Variants in SLC16A7 observed in about 807,000 individuals in gnomAD.
SLC16A7 encodes the protein monocarboxylate transporter 2.
In SLC16A7, 33 loss-of-function variants were observed where a neutral mutation model predicts 34.9. The observed-to-expected ratio is 0.94, with a 90% CI of 0.72 to 1.26. The LOEUF is 1.26. SLC16A7 is among the 50% of genes most tolerant of loss of function. SLC16A7 has a pLI of 0.00. For missense variants in SLC16A7, 573 were observed against 578.1 expected, an observed-to-expected ratio of 0.99 and a Z score of 0.09; for synonymous variants, 201 against 206.6, an observed-to-expected ratio of 0.97 and a Z score of 0.23.
At chr12:59,631,674 C>T (rs762485664) in intron 1 of SLC16A7, among the ~76,000 whole-genome samples, 43 of 152,030 alleles carry the variant, frequency 2.8e-4, no homozygotes, top group South Asian at 8.3e-4. Flanking sequence ...GGATATTTTT[C>T]CTGATGTTCT....
intron 3 of SLC16A7, among the ~76,000 whole-genome samples, chr12:59,756,910 A>G (rs12817321): frequency 3.7e-3 from 455 of 123,418 alleles, no homozygotes; most frequent in African/African-American, 0.015. Context: ...TATACACCAT[A>G]GAATACTATG....
At position 59,785,679 on chromosome 12, in the gene SLC16A7, CTTG is replaced by C. The variant is rs1379422421; in HGVS notation, c.*6003_*6005del. ...ACATGTTTTTCAGTCTCCATATATACTTGTTAATAAGGTGAGCAATATTCAGGA... is the reference window on the plus strand; with the variant it reads ...ACATGTTTTTCAGTCTCCATATATACTTAATAAGGTGAGCAATATTCAGGA... On this transcript the variant is annotated 3_prime_UTR_variant, in exon 6 of 6. Coordinates refer to ENST00000547379, the MANE Select transcript of SLC16A7 (RefSeq NM_001270623.2). 11 of 152,124 alleles carry C rather than the reference CTTG, an allele frequency of 7.2e-5. No homozygotes were observed. Among genetic ancestry groups the C allele is most frequent in the African/African-American group, 2.7e-4 (11 of 41,500 alleles). 9.4% of individuals were successfully genotyped at this position (152,124 alleles called of 1,614,324 possible).
intron 2 of SLC16A7, among the ~76,000 whole-genome samples, chr12:59,678,108 G>A (rs1041477979): frequency 6.6e-6 from 1 of 152,204 alleles, no homozygotes; most frequent in African/African-American, 2.4e-5. Context: ...CAGGCATGCT[G>A]GCTGAGGTCA....
intron 1 of SLC16A7, among the ~76,000 whole-genome samples, chr12:59,616,066 A>C (rs1214160622): frequency 6.6e-6 from 1 of 152,200 alleles, no homozygotes; most frequent in Non-Finnish European, 1.5e-5. Flanking sequence ...GACAAAGAAA[A>C]GCATAAAGGA....
At chr12:59,628,832 C>G (rs375406676) in intron 1 of SLC16A7, among the ~76,000 whole-genome samples, 1 of 151,836 alleles carries the variant, frequency 6.6e-6, no homozygotes, top group African/African-American at 2.4e-5. Flanking sequence ...GAAATAATCC[C>G]TTAAGACTAC....
rs1451584705 is a variant in SLC16A7 at position 59,643,342 on chromosome 12, TAA to T, written c.-129-11809_-129-11808del. Among the ~76,000 whole-genome samples, 5 of 152,148 alleles carry T rather than the reference TAA, an allele frequency of 3.3e-5. No homozygotes were observed. In the East Asian group the frequency reaches 9.6e-4, roughly 29 times the overall value. On this transcript the variant is annotated intron_variant, in intron 1 of 5. Coordinates refer to ENST00000547379, the MANE Select transcript of SLC16A7 (RefSeq NM_001270623.2). Reference sequence around the variant, plus strand: ...ACCCCAAGAGTCTCTAATATACATATAAGTTTTCGGCACAAGTTGAAAGTGGT... The same window carrying T: ...ACCCCAAGAGTCTCTAATATACATATGTTTTCGGCACAAGTTGAAAGTGGT...
At chr12:59,620,367 T>A (rs1044738520) in intron 1 of SLC16A7, among the ~76,000 whole-genome samples, 1 of 151,718 alleles carries the variant, frequency 6.6e-6, no homozygotes, top group Non-Finnish European at 1.5e-5. Context: ...GAAAAAAAAA[T>A]TTACAGTGAG....
chr12:59,746,179 G>A (rs1878869985), intron 3 of SLC16A7, among the ~76,000 whole-genome samples: 1 of 152,160 alleles, frequency 6.6e-6, no homozygotes, highest in Admixed American at 6.5e-5. Context: ...AACTGTCTTC[G>A]AAGTATATTT....
At chr12:59,659,355 A>G (rs889369124) in intron 2 of SLC16A7, among the ~76,000 whole-genome samples, 1 of 152,020 alleles carries the variant, frequency 6.6e-6, no homozygotes, top group Non-Finnish European at 1.5e-5. Flanking sequence ...TGTGCCCATA[A>G]CCGAAGTGGT....
chr12:59,617,600 A>G (rs1879511297), intron 1 of SLC16A7, among the ~76,000 whole-genome samples: 1 of 152,046 alleles, frequency 6.6e-6, no homozygotes, highest in African/African-American at 2.4e-5. Context: ...TTTACAATGC[A>G]TGTCGAAGTA....
rs1883115311 is a variant in SLC16A7, at chr12:59,779,867, A to G, written c.*188A>G. 1.9e-6 allele frequency: 1 copy of G among 518,800 alleles called. No homozygotes were observed. The highest frequency in any genetic ancestry group is 1.9e-5 in the African/African-American group (1 of 52,112). The allele number at this position is 518,800 out of a possible 1,614,324, so 32.1% of individuals were successfully genotyped here. On this transcript the variant is annotated 3_prime_UTR_variant, in exon 6 of 6. Transcript: ENST00000547379. ...AAAACTTACTTATTTGGGTAGTTAA[A>G]TTTTGAGATTATGCATAGAAAGAAT... is the stretch of plus-strand genomic sequence containing the variant.
intron 2 of SLC16A7, among the ~76,000 whole-genome samples, chr12:59,657,696 A>G (rs1277034829): frequency 6.6e-6 from 1 of 151,978 alleles, no homozygotes; most frequent in African/African-American, 2.4e-5. Context: ...CACAGTGGCT[A>G]TATCCCAAGG....
At chr12:59,632,476 GA>G (rs992314858) in intron 1 of SLC16A7, among the ~76,000 whole-genome samples, 1 of 151,918 alleles carries the variant, frequency 6.6e-6, no homozygotes, top group Non-Finnish European at 1.5e-5. Flanking sequence ...TTGGGTAAGG[GA>G]GGCAGCTGGG....
chr12:59,660,536 C>T (rs1177238550), intron 2 of SLC16A7, among the ~76,000 whole-genome samples: 3 of 142,112 alleles, frequency 2.1e-5, no homozygotes, highest in South Asian at 4.5e-4. Context: ...CAGACCTTGT[C>T]TCTACAAAAA....
intron 1 of SLC16A7, among the ~76,000 whole-genome samples, chr12:59,638,664 A>G (rs1411207094): frequency 1.3e-5 from 2 of 152,272 alleles, no homozygotes; most frequent in South Asian, 2.1e-4. Flanking sequence ...GTAAGTTTCT[A>G]TCAGAGGAGA....
At chr12:59,776,402 A>G (rs1334760224) in intron 5 of SLC16A7, among the ~76,000 whole-genome samples, 1 of 152,182 alleles carries the variant, frequency 6.6e-6, no homozygotes, top group Non-Finnish European at 1.5e-5. Flanking sequence ...AACTTTGTTT[A>G]GTCTTAGACT....
chr12:59,606,798 A>G (rs1468569633), intron 1 of SLC16A7, among the ~76,000 whole-genome samples: 14 of 152,162 alleles, frequency 9.2e-5, no homozygotes, highest in Admixed American at 7.2e-4. Flanking sequence ...CCTCCAAAGG[A>G]GACTGAAATT....
intron 1 of SLC16A7, among the ~76,000 whole-genome samples, chr12:59,605,224 C>T (rs1043487370): frequency 6.6e-6 from 1 of 152,156 alleles, no homozygotes; most frequent in African/African-American, 2.4e-5. Flanking sequence ...AATGATAAGG[C>T]TTCCTTACTA....
At chr12:59,610,310 T>C (rs1879136480) in intron 1 of SLC16A7, among the ~76,000 whole-genome samples, 1 of 152,204 alleles carries the variant, frequency 6.6e-6, no homozygotes, top group Non-Finnish European at 1.5e-5. Flanking sequence ...GAGAAAAATG[T>C]TGGCAATACT....
Sources: gnomAD v4.1 joint callset for allele counts (sites outside exome capture counted in the v4.1 genomes callset) on GRCh38, gnomAD v4.1.1 for gene constraint, MANE v1.5 for transcripts, NCBI Gene and HGNC (gene_info 2026-07-23, HGNC 2026-07-21) for gene names.